Variants in FAM163A observed in about 807,000 individuals in gnomAD.
The protein encoded by FAM163A is family with sequence similarity 163 member A.
A neutral mutation model predicts 12.0 loss-of-function variants in FAM163A; 7 were observed. The ratio of observed to expected loss-of-function variants is 0.58; its 90% CI spans 0.33 to 1.10. FAM163A has a LOEUF of 1.10. Among genes scored for constraint, FAM163A ranks in the 50% least tolerant of loss-of-function variants. The probability of loss-of-function intolerance (pLI) is 0.03; values close to 1 mark genes in which losing one functional copy is unlikely to be tolerated. For synonymous variants in FAM163A, 101 were observed against 91.0 expected (o/e 1.11, Z -0.62); for missense variants, 202 against 218.6 (o/e 0.92, Z 0.48).
chr1:179,754,808 A>G (rs1685771166), intron 1 of FAM163A, among the ~76,000 whole-genome samples: 1 of 152,174 alleles, frequency 6.6e-6, no homozygotes, highest in Non-Finnish European at 1.5e-5. Context: ...AGACTTTTTA[A>G]CAGAGGCATA....
chr1:179,765,738 TTAGA>T (rs1015726608), intron 1 of FAM163A, among the ~76,000 whole-genome samples: 7 of 151,216 alleles, frequency 4.6e-5, no homozygotes, highest in South Asian at 2.1e-4. Context: ...AGACTATTGC[TTAGA>T]TAGTCTTTCT....
intron 1 of FAM163A, among the ~76,000 whole-genome samples, chr1:179,748,635 G>A (rs1380528487): frequency 6.6e-6 from 1 of 152,210 alleles, no homozygotes; most frequent in African/African-American, 2.4e-5. Context: ...ACTAAGTAGA[G>A]GAGCAAGTGA....
Position 179,760,400 on chromosome 1 carries a change from C to T in FAM163A, c.-136+16977C>T, listed in dbSNP as rs573909150. ...AGTATAGAGGTGCCGTGATTCTATA[C>T]GCATGAGGTGTTGAAGTCATGGAAG... is the stretch of plus-strand genomic sequence containing the variant. On this transcript the variant is annotated intron_variant, in intron 1 of 4. Transcript: ENST00000341785. Among the ~76,000 whole-genome samples the T allele has an allele frequency of 2.6e-5, 4 of 152,264 alleles. No homozygotes were observed. The East Asian group carries it at 5.8e-4, about 22-fold the overall frequency.
intron 1 of FAM163A, among the ~76,000 whole-genome samples, chr1:179,783,129 T>TAAA (rs11378381): frequency 1.7e-4 from 24 of 141,394 alleles, no homozygotes; most frequent in South Asian, 9.1e-4. Context: ...AACTCCGTCT[T>TAAA]AAAAAAAAAA....
intron 1 of FAM163A, among the ~76,000 whole-genome samples, chr1:179,765,544 G>A (rs1267682239): frequency 6.6e-6 from 1 of 152,208 alleles, no homozygotes; most frequent in Non-Finnish European, 1.5e-5. Context: ...TATGCTTAGA[G>A]TGTTTGAGGG....
intron 1 of FAM163A, among the ~76,000 whole-genome samples, chr1:179,760,176 A>G (rs1034285197): frequency 6.6e-6 from 1 of 152,076 alleles, no homozygotes; most frequent in African/African-American, 2.4e-5. Flanking sequence ...ACGGTTATGG[A>G]TGGATTTGGA....
At chr1:179,757,831 A>G (rs112027695) in intron 1 of FAM163A, among the ~76,000 whole-genome samples, 4,209 of 147,478 alleles carry the variant, frequency 0.029, 181 homozygotes, top group African/African-American at 0.1. Flanking sequence ...AAACAAAACG[A>G]AAAACAGTGA....
intron 1 of FAM163A, among the ~76,000 whole-genome samples, chr1:179,751,226 G>A (rs1685229180): frequency 6.6e-6 from 1 of 152,030 alleles, no homozygotes; most frequent in Non-Finnish European, 1.5e-5. Flanking sequence ...GGATGAGAGT[G>A]CCTAGGGAGA....
chr1:179,789,523 C>T (rs1345930917), intron 1 of FAM163A, among the ~76,000 whole-genome samples: 1 of 152,234 alleles, frequency 6.6e-6, no homozygotes, highest in Non-Finnish European at 1.5e-5. Flanking sequence ...ACCACTCTTC[C>T]TTCCCCTTCT....
At chr1:179,789,721 A>C (rs1691171968) in intron 1 of FAM163A, among the ~76,000 whole-genome samples, 1 of 152,222 alleles carries the variant, frequency 6.6e-6, no homozygotes, top group African/African-American at 2.4e-5. Flanking sequence ...AAAGTCATTA[A>C]CTAATCGAGT....
chr1:179,732,714 C>G, the FAM163A span, among the ~76,000 whole-genome samples: 5 of 151,648 alleles, frequency 3.3e-5, no homozygotes, highest in Non-Finnish European at 1.5e-5. Context: ...AACCCTGTCT[C>G]TACTAAAAAT....
chr1:179,795,372 C>A (rs929274016), intron 1 of FAM163A, among the ~76,000 whole-genome samples: 5 of 152,192 alleles, frequency 3.3e-5, no homozygotes, highest in African/African-American at 1.2e-4. Context: ...GCCGTTGTAA[C>A]GGTTTTAAGA....
At chr1:179,786,669 C>CA (rs1165420071) in intron 1 of FAM163A, among the ~76,000 whole-genome samples, 1 of 152,206 alleles carries the variant, frequency 6.6e-6, no homozygotes, top group Non-Finnish European at 1.5e-5. Context: ...TACCCATTAA[C>CA]AAATGAAAGT....
intron 1 of FAM163A, among the ~76,000 whole-genome samples, chr1:179,752,476 CAAAAA>C (rs33926633): frequency 7.8e-6 from 1 of 127,980 alleles, no homozygotes. Context: ...TTTGTACAGC[CAAAAA>C]AAAAAAAAAA....
intron 1 of FAM163A, among the ~76,000 whole-genome samples, chr1:179,777,906 A>G (rs1032953905): frequency 6.6e-6 from 1 of 152,150 alleles, no homozygotes; most frequent in Admixed American, 6.6e-5. Context: ...CTGCAGACCA[A>G]CCTCATGACT....
intron 1 of FAM163A, among the ~76,000 whole-genome samples, chr1:179,769,259 C>T (rs1159972824): frequency 6.6e-6 from 1 of 152,116 alleles, no homozygotes; most frequent in Non-Finnish European, 1.5e-5. Flanking sequence ...GATTCTCCTA[C>T]CATAGCCTCC....
At chr1:179,756,665 G>A (rs185280887) in intron 1 of FAM163A, among the ~76,000 whole-genome samples, 1 of 152,336 alleles carries the variant, frequency 6.6e-6, no homozygotes, top group Admixed American at 6.5e-5. Context: ...CTAGCTTTGG[G>A]AATCATCCAT....
At chr1:179,774,875 G>A (rs1408370877) in intron 1 of FAM163A, among the ~76,000 whole-genome samples, 1 of 152,126 alleles carries the variant, frequency 6.6e-6, no homozygotes, top group Non-Finnish European at 1.5e-5. Context: ...CCCCAGGCCC[G>A]TCTGTTCCAC....
At chr1:179,762,294 C>T (rs762875756) in intron 1 of FAM163A, among the ~76,000 whole-genome samples, 1 of 152,154 alleles carries the variant, frequency 6.6e-6, no homozygotes, top group Non-Finnish European at 1.5e-5. Context: ...TAAGTAGATG[C>T]CTGTAATGGG....
Sources: allele counts gnomAD v4.1 joint callset (sites outside exome capture counted in the v4.1 genomes callset), GRCh38; gene constraint gnomAD v4.1.1; transcripts MANE v1.5; gene names NCBI Gene and HGNC (gene_info 2026-07-23, HGNC 2026-07-21).